RBBP4: variants seen among roughly 807,000 people sequenced by gnomAD.
The protein encoded by RBBP4 is RB binding protein 4, chromatin remodeling factor, also known as histone-binding protein RBBP4.
Under a neutral mutation model 57.2 loss-of-function variants are expected in RBBP4, and 3 were observed. That is an observed-to-expected ratio of 0.05 (90% CI 0.02 to 0.14). RBBP4 has a LOEUF of 0.14. Among genes scored for constraint, RBBP4 ranks in the 10% least tolerant of loss-of-function variants. The pLI, the probability that RBBP4 is intolerant of heterozygous loss-of-function variation, is 1.00. For synonymous variants in RBBP4, 151 were observed against 171.5 expected (o/e 0.88, Z 0.93); for missense variants, 107 against 520.6 (o/e 0.21, Z 7.73).
At position 32,669,388 on chromosome 1, in the gene RBBP4, A is replaced by G. The variant is rs359956; in HGVS notation, c.888+31A>G. 0.93 allele frequency: 1,470,233 copies of G among 1,577,058 alleles called. 692,383 individuals are homozygous for G. Among genetic ancestry groups the G allele is most frequent in the Non-Finnish European group, 0.96 (1,125,061 of 1,168,698 alleles). On this transcript the variant is annotated intron_variant, in intron 7 of 11. Transcript: ENST00000373493. This position sits in a 1 kb window ranked among gnomAD's most constrained non-coding sequence, Gnocchi z 4.9. ...TTTCGTTTATTTTAATAGAAAACATAATTTCTCTAGGTTTTTTTGAATTGC... is the reference window on the plus strand; with the variant it reads ...TTTCGTTTATTTTAATAGAAAACATGATTTCTCTAGGTTTTTTTGAATTGC...
At position 32,682,074 on chromosome 1, in the gene RBBP4, T is replaced by C; in HGVS notation, c.*2369T>C. 1 of 548,074 alleles carries C rather than the reference T, an allele frequency of 1.8e-6. No homozygotes were observed. Among genetic ancestry groups the C allele is most frequent in the Non-Finnish European group, 3.2e-6 (1 of 308,200 alleles). The allele number at this position is 548,074 out of a possible 1,614,324, so 34.0% of individuals were successfully genotyped here. On this transcript the variant is annotated 3_prime_UTR_variant, in exon 12 of 12. Coordinates refer to ENST00000373493, the MANE Select transcript of RBBP4 (RefSeq NM_005610.3). ...ACGTTTTCTCTGCTAGGTTAACTTCTTACAGGTATAATTACAATGCCTGAA... is the reference window on the plus strand; with the variant it reads ...ACGTTTTCTCTGCTAGGTTAACTTCCTACAGGTATAATTACAATGCCTGAA...
intron 3 of RBBP4, among the ~76,000 whole-genome samples, chr1:32,664,266 A>G (rs1648553097): frequency 6.6e-6 from 1 of 152,114 alleles, no homozygotes; most frequent in South Asian, 2.1e-4. Flanking sequence ...TCAATTTTGA[A>G]TACGCTAAGT....
chr1:32,658,922 A>G (rs926209229), intron 3 of RBBP4, among the ~76,000 whole-genome samples: 2 of 96,830 alleles, frequency 2.1e-5, no homozygotes, highest in Non-Finnish European at 4.0e-5. Flanking sequence ...TTTACACAAT[A>G]TAAATGTTAT....
At position 32,669,171 on chromosome 1, in the gene RBBP4, T is replaced by TTGAC; in HGVS notation, c.761+39_761+40insTGAC. 6.2e-7 allele frequency: 1 copy of TTGAC among 1,612,188 alleles called. No individual in the cohort carries two copies. Among genetic ancestry groups the TTGAC allele is most frequent in the South Asian group, 1.1e-5 (1 of 90,652 alleles). On this transcript the variant is annotated intron_variant, in intron 6 of 11. Transcript: ENST00000373493. The surrounding 1 kb of genome is among the most constrained non-coding windows in gnomAD (Gnocchi z 4.9). The stretch of plus-strand genomic sequence containing the variant: ...ATTCAGAGTTTCTAAATATCTTGTC[T>TTGAC]AAGTTTTATGTTTAGTCACCATTTC...
At chr1:32,655,482 T>A (rs1648100176) in intron 2 of RBBP4, among the ~76,000 whole-genome samples, 1 of 152,208 alleles carries the variant, frequency 6.6e-6, no homozygotes, top group South Asian at 2.1e-4. Context: ...ATACAGGTAA[T>A]TCCAATTTTC....
At chr1:32,671,913 G>A (rs184130793) in intron 8 of RBBP4, among the ~76,000 whole-genome samples, 8 of 152,168 alleles carry the variant, frequency 5.3e-5, no homozygotes, top group Middle Eastern at 3.4e-3. Context: ...TGTGCCAAAG[G>A]GGTGCTGTGG....
Position 32,680,426 on chromosome 1 carries a change from T to G in RBBP4, c.*721T>G, listed in dbSNP as rs959987695. 2 of 1,356,252 alleles carry G rather than the reference T, an allele frequency of 1.5e-6. No individual in the cohort carries two copies. The highest frequency in any genetic ancestry group is 3.1e-5 in the African/African-American group (2 of 65,440). 84.0% of individuals were successfully genotyped at this position (1,356,252 alleles called of 1,614,324 possible). A position where few individuals can be genotyped will look rare whatever the true frequency, so the allele number is the denominator to read the frequency against. ...GATGTATGTTTTTACCTGACAGTTA[T>G]ACCACAGGTAGACTGTCAAGTTGAG... On this transcript the variant is annotated 3_prime_UTR_variant, in exon 12 of 12. Transcript: ENST00000373493.
rs1250984981 is a variant in RBBP4, at chr1:32,684,335, C to T, written c.*4630C>T. 1 of 1,614,154 alleles carries T rather than the reference C, an allele frequency of 6.2e-7. No individual in the cohort carries two copies. The highest frequency in any genetic ancestry group is 8.5e-7 in the Non-Finnish European group (1 of 1,180,034). On this transcript the variant is annotated 3_prime_UTR_variant, in exon 12 of 12. Coordinates refer to ENST00000373493, the MANE Select transcript of RBBP4 (RefSeq NM_005610.3). ...TGTTCTTCTGTTGCTGGAGTTGCAC[C>T]CCATTTCTTAACTGCCTCTGGCGTT... is the stretch of plus-strand genomic sequence containing the variant.
In RBBP4 at chr1:32,684,432, C is replaced by G. The variant is rs759336273; in HGVS notation, c.*4727C>G. ...TCTAATGAGCCAAACAATAAAAACT[C>G]ACATTGTCCACTCTTACTTATAAAA... On this transcript the variant is annotated 3_prime_UTR_variant, in exon 12 of 12. Coordinates refer to ENST00000373493, the MANE Select transcript of RBBP4 (RefSeq NM_005610.3). The G allele has an allele frequency of 5.6e-6, 9 of 1,612,214 alleles. No individual in the cohort carries two copies. Among genetic ancestry groups the G allele is most frequent in the Non-Finnish European group, 7.6e-6 (9 of 1,179,104 alleles).
rs1649445086 is a variant in RBBP4, at chr1:32,681,676, A to C, written c.*1971A>C. 1.1e-6 allele frequency: 1 copy of C among 941,254 alleles called. No individual in the cohort carries two copies. The highest frequency in any genetic ancestry group is 1.7e-5 in the African/African-American group (1 of 60,358). 58.3% of individuals were successfully genotyped at this position (941,254 alleles called of 1,614,324 possible). A position where few individuals can be genotyped will look rare whatever the true frequency, so the allele number is the denominator to read the frequency against. ...AGTTGACATGTTCTGCCTCCGGCCA[A>C]CTCTAGAATCTTTTTAAGCAGGTCA... On this transcript the variant is annotated 3_prime_UTR_variant, in exon 12 of 12. Coordinates refer to ENST00000373493, the MANE Select transcript of RBBP4 (RefSeq NM_005610.3).
At chr1:32,667,893 A>G (rs938088496) in intron 3 of RBBP4, among the ~76,000 whole-genome samples, 13 of 152,194 alleles carry the variant, frequency 8.5e-5, no homozygotes, top group Admixed American at 7.2e-4. Flanking sequence ...TAAATAGACT[A>G]TATTGTTCGG....
At chr1:32,670,046 C>T (rs891372305) in intron 8 of RBBP4, among the ~76,000 whole-genome samples, 3 of 152,162 alleles carry the variant, frequency 2.0e-5, no homozygotes, top group Admixed American at 6.5e-5. Flanking sequence ...TTATTGACCA[C>T]TTACATTCTT....
At position 32,669,606 on chromosome 1, in the gene RBBP4, A is replaced by G; in HGVS notation, c.966+43A>G. 6.4e-7 allele frequency: 1 copy of G among 1,574,644 alleles called. No homozygotes were observed. Among genetic ancestry groups the G allele is most frequent in the Non-Finnish European group, 8.6e-7 (1 of 1,164,764 alleles). On this transcript the variant is annotated intron_variant, in intron 8 of 11. Transcript: ENST00000373493. The surrounding 1 kb of genome is among the most constrained non-coding windows in gnomAD (Gnocchi z 4.9). ...TACTATTTTGTTTGTTTTAAGAAAA[A>G]CCTGCTGGGCGCGGTCGCTCACGCC...
At chr1:32,677,336 G>A (rs928614995) in intron 11 of RBBP4, among the ~76,000 whole-genome samples, 1 of 152,056 alleles carries the variant, frequency 6.6e-6, no homozygotes, top group Non-Finnish European at 1.5e-5. Flanking sequence ...CTAATTTGAT[G>A]TGCTTCTGGA....
rs1649691265 is a variant in RBBP4, at chr1:32,684,624, T to C, written c.*4919T>C. On this transcript the variant is annotated 3_prime_UTR_variant, in exon 12 of 12. Coordinates refer to ENST00000373493, the MANE Select transcript of RBBP4 (RefSeq NM_005610.3). ...GTCTGTTAACCACAGCTTGCTTTAA[T>C]AGAATCCTGGGAGGGTGATTGGGAC... The C allele has an allele frequency of 3.2e-5, 16 of 498,640 alleles. 1 individual carries two copies. The South Asian group carries it at 3.3e-4, about 10-fold the overall frequency. The allele number at this position is 498,640 out of a possible 1,614,324, so 30.9% of individuals were successfully genotyped here.
At chr1:32,661,809 T>TC in intron 3 of RBBP4, among the ~76,000 whole-genome samples, 1 of 41,278 alleles carries the variant, frequency 2.4e-5, no homozygotes, top group Non-Finnish European at 1.2e-4. Flanking sequence ...ATCTTTTTTT[T>TC]TTCACATTCG....
intron 3 of RBBP4, 127 bp downstream of exon 3, chr1:32,657,699 T>C: frequency 9.5e-7 from 1 of 1,056,376 alleles, no homozygotes; most frequent in Non-Finnish European, 1.3e-6. Context: ...TTTGCAATGG[T>C]AGGTATTTAT....
At chr1:32,662,363 TTTG>T (rs538944772) in intron 3 of RBBP4, 108 of 177,944 alleles carry the variant, frequency 6.1e-4, no homozygotes, top group South Asian at 2.2e-3. Context: ...CCAGCTAATT[TTTG>T]TTGTTGTTGT....
At position 32,651,236 on chromosome 1, in the gene RBBP4, C is replaced by T. The variant is rs1647559981; in HGVS notation, c.-71C>T. 3 of 1,504,068 alleles carry T rather than the reference C, an allele frequency of 2.0e-6. No individual in the cohort carries two copies. Among genetic ancestry groups the T allele is most frequent in the Admixed American group, 2.2e-5 (1 of 45,546 alleles). The allele number at this position is 1,504,068 out of a possible 1,614,324, so 93.2% of individuals were successfully genotyped here. On this transcript the variant is annotated 5_prime_UTR_variant, in exon 1 of 12. Transcript: ENST00000373493. ...AACAATAGAGGCCGCGCGCACAGAG[C>T]GAGCTCTTGCAGCCTCCCCGCCCCT...
Sources: gnomAD v4.1 joint callset for allele counts (sites outside exome capture counted in the v4.1 genomes callset) on GRCh38, gnomAD v4.1.1 for gene constraint, Gnocchi (gnomAD v3.1) non-coding constraint, MANE v1.5 for transcripts, NCBI Gene and HGNC (gene_info 2026-07-23, HGNC 2026-07-21) for gene names.